Variants in CDH8 observed in about 807,000 individuals in gnomAD.
The protein encoded by CDH8 is cadherin 8.
In CDH8, 17 loss-of-function variants were observed where a neutral mutation model predicts 68.1. The ratio of observed to expected loss-of-function variants is 0.25; its 90% CI spans 0.17 to 0.37. CDH8 has a LOEUF of 0.37. CDH8 is among the 10% of genes least tolerant of loss of function. CDH8 has a pLI of 1.00. For missense variants in CDH8, 763 were observed against 999.3 expected (o/e 0.76, Z 3.19); for synonymous variants, 372 against 365.1 (o/e 1.02, Z -0.21).
chr16:61,888,978 GA>G, intron 3 of CDH8, among the ~76,000 whole-genome samples: 1 of 152,092 alleles, frequency 6.6e-6, no homozygotes, highest in Non-Finnish European at 1.5e-5. Flanking sequence ...CTGACAAAAG[GA>G]AAATGAATGA....
chr16:62,013,880 T>C (rs555257012), intron 2 of CDH8, among the ~76,000 whole-genome samples: 1 of 152,340 alleles, frequency 6.6e-6, no homozygotes, highest in Admixed American at 6.5e-5. Flanking sequence ...AACATATGAC[T>C]GCTATTATTT....
rs1960671878 is a variant in CDH8 at position 61,768,362 on chromosome 16, CTCTCTCCCTT to C, written c.1414+20974_1414+20983del. ...TCTCTCTCTCTCTCTCTCTCTCTCT[CTCTCTCCCTT>C]TCTCTCTCTCTCTCTCTCTCTCCCT... On this transcript the variant is annotated intron_variant, in intron 8 of 11. Coordinates refer to ENST00000577390, the MANE Select transcript of CDH8 (RefSeq NM_001796.5). Among the ~76,000 whole-genome samples, 7 of 111,258 alleles carry C rather than the reference CTCTCTCCCTT, an allele frequency of 6.3e-5. 1 individual carries two copies. Among genetic ancestry groups the C allele is most frequent in the East Asian group, 5.5e-4 (2 of 3,634 alleles). 73.0% of individuals were successfully genotyped at this position (111,258 alleles called of 152,430 possible).
chr16:61,753,363 TG>T (rs1389399284), intron 8 of CDH8, among the ~76,000 whole-genome samples: 1 of 151,982 alleles, frequency 6.6e-6, no homozygotes, highest in Non-Finnish European at 1.5e-5. Context: ...CCTCAGCCTC[TG>T]GTGTAGGTGG....
chr16:61,784,104 A>T (rs1478797553), intron 8 of CDH8, among the ~76,000 whole-genome samples: 1 of 150,954 alleles, frequency 6.6e-6, no homozygotes, highest in Non-Finnish European at 1.5e-5. Flanking sequence ...TTTAAATGTA[A>T]ATGGACTAAA....
intron 8 of CDH8, among the ~76,000 whole-genome samples, chr16:61,774,591 GT>G (rs1960861208): frequency 6.6e-6 from 1 of 151,870 alleles, no homozygotes; most frequent in South Asian, 2.1e-4. Flanking sequence ...TCAATTAATA[GT>G]GTCTGTTTGG....
chr16:62,006,201 AT>A (rs1185897036), intron 2 of CDH8, among the ~76,000 whole-genome samples: 1 of 152,208 alleles, frequency 6.6e-6, no homozygotes, highest in Admixed American at 6.5e-5. Context: ...TATTGGGATG[AT>A]CAAAAGAAAT....
chr16:61,733,942 ATATAT>A (rs748655185), intron 8 of CDH8, among the ~76,000 whole-genome samples: 5 of 152,000 alleles, frequency 3.3e-5, no homozygotes, highest in Non-Finnish European at 7.4e-5. Flanking sequence ...ATCTTAAATA[ATATAT>A]TATTTTTATT....
intron 9 of CDH8, chr16:61,726,003 T>C (rs1959353252): frequency 6.6e-6 from 1 of 150,668 alleles, no homozygotes; most frequent in Non-Finnish European, 1.5e-5. Context: ...CCCACTGTTT[T>C]ATAGGAGGGT....
In CDH8 at chr16:61,789,487, A is replaced by G. The variant is rs1961326891; in HGVS notation, c.1278-5T>C. On this transcript the variant is annotated splice_region_variant and splice_polypyrimidine_tract_variant and intron_variant, in intron 7 of 11. Transcript: ENST00000577390. ...GTGTGCCGGTCGATGGAAAACCTAC[A>G]AAACAGACACATCTGTAATCTACTT... 1 of 1,612,004 alleles carries G rather than the reference A, an allele frequency of 6.2e-7. No homozygotes were observed. The highest frequency in any genetic ancestry group is 1.7e-5 in the Admixed American group (1 of 59,724).
At chr16:61,671,218 C>CT (rs1963786637) in intron 10 of CDH8, among the ~76,000 whole-genome samples, 1 of 151,984 alleles carries the variant, frequency 6.6e-6, no homozygotes, top group Non-Finnish European at 1.5e-5. Flanking sequence ...GGGATGGGCC[C>CT]TGGGTATCTG....
At chr16:61,740,652 A>C (rs1256716951) in intron 8 of CDH8, among the ~76,000 whole-genome samples, 1 of 152,170 alleles carries the variant, frequency 6.6e-6, no homozygotes, top group Non-Finnish European at 1.5e-5. Flanking sequence ...CATACAGTGT[A>C]TACATATTTG....
chr16:61,686,289 G>T (rs1198363293), intron 10 of CDH8, among the ~76,000 whole-genome samples: 2 of 151,702 alleles, frequency 1.3e-5, no homozygotes, highest in Non-Finnish European at 2.9e-5. Flanking sequence ...TGATTTTTTT[G>T]CCTGAATTAT....
chr16:61,950,182 G>C (rs527368556), intron 2 of CDH8, among the ~76,000 whole-genome samples: 1 of 152,034 alleles, frequency 6.6e-6, no homozygotes, highest in Admixed American at 6.6e-5. Context: ...TATACTCCCT[G>C]GTAAGTGATA....
intron 8 of CDH8, among the ~76,000 whole-genome samples, chr16:61,741,681 A>G (rs898918699): frequency 8.6e-5 from 13 of 151,970 alleles, no homozygotes; most frequent in Non-Finnish European, 1.5e-4. Flanking sequence ...CTGCAGGCCT[A>G]TTTCTGAAGT....
chr16:61,981,336 T>A (rs1290256850), intron 2 of CDH8, among the ~76,000 whole-genome samples: 2 of 152,180 alleles, frequency 1.3e-5, no homozygotes, highest in African/African-American at 4.8e-5. Flanking sequence ...TAATCATTTT[T>A]TTATCACCAT....
intron 10 of CDH8, among the ~76,000 whole-genome samples, chr16:61,686,083 C>T (rs575521439): frequency 2.2e-4 from 34 of 151,994 alleles, no homozygotes; most frequent in Admixed American, 9.2e-4. Flanking sequence ...TGTGGAGTTG[C>T]CAGTTTTTGC....
chr16:61,707,996 C>CTTTATATTCTTCCTTTATTAT (rs1964565243), intron 10 of CDH8, among the ~76,000 whole-genome samples: 1 of 151,976 alleles, frequency 6.6e-6, no homozygotes, highest in Non-Finnish European at 1.5e-5. Flanking sequence ...CTAAATAATT[C>CTTTATATTCTTCCTTTATTAT]TTTATATTCT....
At chr16:61,825,940 A>G (rs1962322700) in intron 4 of CDH8, among the ~76,000 whole-genome samples, 1 of 151,800 alleles carries the variant, frequency 6.6e-6, no homozygotes, top group African/African-American at 2.4e-5. Flanking sequence ...TGTTTGTTTC[A>G]CTGGTAATTT....
intron 3 of CDH8, among the ~76,000 whole-genome samples, chr16:61,869,596 T>G (rs1339703511): frequency 6.6e-6 from 1 of 152,190 alleles, no homozygotes; most frequent in Non-Finnish European, 1.5e-5. Flanking sequence ...AAAATTGGGT[T>G]TCATTTGAAA....
Sources: allele counts gnomAD v4.1 joint callset (sites outside exome capture counted in the v4.1 genomes callset), GRCh38; gene constraint gnomAD v4.1.1; transcripts MANE v1.5; gene names NCBI Gene and HGNC (gene_info 2026-07-23, HGNC 2026-07-21).